ZNF471: variants seen among roughly 807,000 people sequenced by gnomAD.
ZNF471 encodes the protein EZFIT-related protein 1.
In ZNF471, 7 loss-of-function variants were observed where a neutral mutation model predicts 13.7. The observed-to-expected ratio is 0.51, with a 90% CI of 0.29 to 0.96. The LOEUF is 0.96. Ranked by LOEUF, ZNF471 falls within the 40% of genes least tolerant of loss-of-function variation. The pLI is 0.08. For synonymous variants in ZNF471, 218 were observed against 235.6 expected (o/e 0.93, Z 0.68); for missense variants, 663 against 743.3 (o/e 0.89, Z 1.26).
In ZNF471 at chr19:56,525,123, G is replaced by A. The variant is rs2044027120; in HGVS notation, c.1056G>A (p.Gly352=). Residue 352 remains glycine, a synonymous_variant, in exon 5 of 5, where the codon GGG becomes GGA. Transcript: ENST00000308031. The part of the protein sequence containing the change: ...GKRPYECIEC[G]KAFRYNTSFI... ...GACCCTATGAATGTATTGAGTGTGGGAAGGCTTTTAGGTATAACACATCTT... is the reference window on the plus strand; with the variant it reads ...GACCCTATGAATGTATTGAGTGTGGAAAGGCTTTTAGGTATAACACATCTT... 6.2e-7 allele frequency: 1 copy of A among 1,614,018 alleles called. No individual in the cohort carries two copies. The highest frequency in any genetic ancestry group is 8.5e-7 in the Non-Finnish European group (1 of 1,180,022).
rs2043885424 is a variant in ZNF471 at position 56,516,171 on chromosome 19, C to T, written c.34-104C>T. On this transcript the variant is annotated intron_variant, in intron 2 of 4. Coordinates refer to ENST00000308031, the MANE Select transcript of ZNF471 (RefSeq NM_020813.4). The surrounding 1 kb of genome is among the most constrained non-coding windows in gnomAD (Gnocchi z 4.4). ...GGATCTTCCTATTTATGTTTTTTCT[C>T]TTCTATGAGTTATTTCTCACCTAAA... 5.0e-6 allele frequency: 6 copies of T among 1,198,662 alleles called. No homozygotes were observed. The highest frequency in any genetic ancestry group is 7.1e-6 in the Non-Finnish European group (6 of 843,830). 74.3% of individuals were successfully genotyped at this position (1,198,662 alleles called of 1,614,324 possible). A position where few individuals can be genotyped will look rare whatever the true frequency, so the allele number is the denominator to read the frequency against.
At chr19:56,515,781 T>C (rs1173716429) in intron 2 of ZNF471, among the ~76,000 whole-genome samples, 1 of 152,224 alleles carries the variant, frequency 6.6e-6, no homozygotes, top group Non-Finnish European at 1.5e-5. Flanking sequence ...TTCAATTTCA[T>C]TTTGTTCTGC....
intron 1 of ZNF471, among the ~76,000 whole-genome samples, chr19:56,509,315 C>T (rs1183056122): frequency 6.6e-6 from 1 of 152,226 alleles, no homozygotes; most frequent in Non-Finnish European, 1.5e-5. Context: ...TTCCAGATAG[C>T]TGAACACTGG....
chr19:56,509,229 G>A (rs2043776662), intron 1 of ZNF471, among the ~76,000 whole-genome samples: 1 of 152,148 alleles, frequency 6.6e-6, no homozygotes. Context: ...CTGATCATCA[G>A]TGGTCAGTGA....
rs2044031598 is a variant in ZNF471, at chr19:56,525,369, T to C, written c.1302T>C (p.Asp434=). 2 of 1,613,926 alleles carry C rather than the reference T, an allele frequency of 1.2e-6. No homozygotes were observed. Among genetic ancestry groups the C allele is most frequent in the Admixed American group, 1.7e-5 (1 of 59,986 alleles). The part of the protein sequence containing the change: ...IHTGEKPYEC[D]ICGKDFSHHA... Reference sequence around the variant, plus strand: ...CAGGAGAGAAACCTTATGAATGTGATATATGTGGGAAAGATTTTAGCCATC... The same window carrying C: ...CAGGAGAGAAACCTTATGAATGTGACATATGTGGGAAAGATTTTAGCCATC... The change falls in exon 5 of 5, where the codon GAT becomes GAC. Residue 434 remains aspartate, a synonymous_variant. Transcript: ENST00000308031.
At chr19:56,518,727 G>C (rs1277958138) in intron 4 of ZNF471, 150 bp downstream of exon 4, 1 of 565,318 alleles carries the variant, frequency 1.8e-6, no homozygotes, top group Non-Finnish European at 3.1e-6. Flanking sequence ...CTTCACATGG[G>C]CCCCTCAAAT....
chr19:56,508,240 T>G lies in ZNF471; in HGVS notation c.-56+320T>G. ...AGAGGGTGTGGTTTCTGTGTGTGTG[T>G]GTGTGTGTGTGTGACAGACCGAGAG... On this transcript the variant is annotated intron_variant, in intron 1 of 4. Transcript: ENST00000308031. This position sits in a 1 kb window ranked among gnomAD's most constrained non-coding sequence, Gnocchi z 4.7. The G allele has an allele frequency of 1.1e-6, 1 of 915,716 alleles. No individual in the cohort carries two copies. The highest frequency in any genetic ancestry group is 1.3e-6 in the Non-Finnish European group (1 of 772,476). The allele number at this position is 915,716 out of a possible 1,614,324, so 56.7% of individuals were successfully genotyped here.
rs755134334 is a variant in ZNF471, at chr19:56,525,132, T to C, written c.1065T>C (p.Phe355=). 7.9e-5 allele frequency: 128 copies of C among 1,614,042 alleles called. No individual in the cohort carries two copies. Among genetic ancestry groups the C allele is most frequent in the Non-Finnish European group, 9.8e-5 (116 of 1,180,030 alleles). The change falls in exon 5 of 5, where the codon TTT becomes TTC. Residue 355 remains phenylalanine, a synonymous_variant. Coordinates refer to ENST00000308031, the MANE Select transcript of ZNF471 (RefSeq NM_020813.4). ...PYECIECGKA[F]RYNTSFIRHW... ...AATGTATTGAGTGTGGGAAGGCTTT[T>C]AGGTATAACACATCTTTTATTCGTC...
rs1465444153 is a variant in ZNF471 at position 56,508,079 on chromosome 19, C to T, written c.-56+159C>T. The T allele has an allele frequency of 3.0e-6, 3 of 985,174 alleles. No homozygotes were observed. The highest frequency in any genetic ancestry group is 3.6e-6 in the Non-Finnish European group (3 of 829,814). 61.0% of individuals were successfully genotyped at this position (985,174 alleles called of 1,614,324 possible). A position where few individuals can be genotyped will look rare whatever the true frequency, so the allele number is the denominator to read the frequency against. ...GCCAGCGGGGCGCGCGTACTCGAGT[C>T]TGCGGGGCGGAGGCCGCGGCTCGGG... is the stretch of plus-strand genomic sequence containing the variant. On this transcript the variant is annotated intron_variant, in intron 1 of 4. Coordinates refer to ENST00000308031, the MANE Select transcript of ZNF471 (RefSeq NM_020813.4). The surrounding 1 kb of genome is among the most constrained non-coding windows in gnomAD (Gnocchi z 4.7).
chr19:56,513,785 C>A (rs890747599), intron 2 of ZNF471, among the ~76,000 whole-genome samples: 2 of 151,840 alleles, frequency 1.3e-5, no homozygotes, highest in Non-Finnish European at 2.9e-5. Flanking sequence ...TAGTGCTAGA[C>A]TTTATATATT....
chr19:56,516,067 A>G lies in ZNF471; in HGVS notation c.34-208A>G, dbSNP rs1263237220. On this transcript the variant is annotated intron_variant, in intron 2 of 4. Transcript: ENST00000308031. The surrounding 1 kb of genome is among the most constrained non-coding windows in gnomAD (Gnocchi z 4.4). Reference sequence around the variant, plus strand: ...TTCACTGCCTTGTAGTTATGCACCCATATTTCCCTATGTTCGGAATCGATT... The same window carrying G: ...TTCACTGCCTTGTAGTTATGCACCCGTATTTCCCTATGTTCGGAATCGATT... Among the ~76,000 whole-genome samples, 1 of 152,162 alleles carries G rather than the reference A, an allele frequency of 6.6e-6. No individual in the cohort carries two copies. Among genetic ancestry groups the G allele is most frequent in the Non-Finnish European group, 1.5e-5 (1 of 68,020 alleles).
At chr19:56,520,632 A>C (rs752534197) in intron 4 of ZNF471, among the ~76,000 whole-genome samples, 3 of 152,114 alleles carry the variant, frequency 2.0e-5, no homozygotes, top group Non-Finnish European at 4.4e-5. Flanking sequence ...TTAGGTCATG[A>C]GGGCTCATGA....
At chr19:56,515,669 G>A (rs959111048) in intron 2 of ZNF471, among the ~76,000 whole-genome samples, 1 of 152,196 alleles carries the variant, frequency 6.6e-6, no homozygotes, top group Non-Finnish European at 1.5e-5. Flanking sequence ...AAGTAAATCT[G>A]AAGGTGAAAA....
rs1568476304 is a variant in ZNF471 at position 56,524,897 on chromosome 19, T to G, written c.830T>G (p.Leu277Arg). 1 of 1,612,816 alleles carries G rather than the reference T, an allele frequency of 6.2e-7. No homozygotes were observed. Among genetic ancestry groups the G allele is most frequent in the Non-Finnish European group, 8.5e-7 (1 of 1,179,526 alleles). Residue 277 changes from leucine to arginine, a missense_variant, in exon 5 of 5, where the codon CTT becomes CGT. Leu to Arg is a moderately radical substitution (Grantham distance 102). Transcript: ENST00000308031. This position sits in a 1 kb window ranked among gnomAD's most constrained non-coding sequence, Gnocchi z 4.8. ...AAAGCCTTCAAACAAAGTGAACACC[T>G]TATTCAGCATCAAAGAATTCATACT... ...CRKAFKQSEH[L>R]IQHQRIHTGE...
At position 56,526,560 on chromosome 19, in the gene ZNF471, G is replaced by A. The variant is rs1196092173; in HGVS notation, c.*612G>A. 1 of 152,412 alleles carries A rather than the reference G, an allele frequency of 6.6e-6. No individual in the cohort carries two copies. The highest frequency in any genetic ancestry group is 2.4e-5 in the African/African-American group (1 of 41,446). The allele number at this position is 152,412 out of a possible 1,614,324, so 9.4% of individuals were successfully genotyped here. On this transcript the variant is annotated 3_prime_UTR_variant, in exon 5 of 5. Coordinates refer to ENST00000308031, the MANE Select transcript of ZNF471 (RefSeq NM_020813.4). ...AAGGGGGCTGAAGCCGGGGAGCCAA[G>A]TGGTTCCCATGCCCACTGAGCCCAG... is the stretch of plus-strand genomic sequence containing the variant.
rs1568472763 is a variant in ZNF471, at chr19:56,516,053, G to A, written c.34-222G>A. On this transcript the variant is annotated intron_variant, in intron 2 of 4. Transcript: ENST00000308031. This position sits in a 1 kb window ranked among gnomAD's most constrained non-coding sequence, Gnocchi z 4.4. ...CCCTTGAAGCCGTCTTCACTGCCTT[G>A]TAGTTATGCACCCATATTTCCCTAT... is the stretch of plus-strand genomic sequence containing the variant. Among the ~76,000 whole-genome samples the A allele has an allele frequency of 6.6e-6, 1 of 152,164 alleles. No individual in the cohort carries two copies. The highest frequency in any genetic ancestry group is 2.1e-4 in the South Asian group (1 of 4,832).
At position 56,525,075 on chromosome 19, in the gene ZNF471, T is replaced by C; in HGVS notation, c.1008T>C (p.His336=). ...AFSDGSSFAR[H]QRCHTGKRPY... is the part of the protein sequence containing the mutation. ...GTGATGGCTCGTCTTTTGCTCGACA[T>C]CAGAGATGTCACACTGGCAAAAGAC... Residue 336 remains histidine, a synonymous_variant, in exon 5 of 5, where the codon CAT becomes CAC. Transcript: ENST00000308031. 1 of 1,613,952 alleles carries C rather than the reference T, an allele frequency of 6.2e-7. No individual in the cohort carries two copies. Among genetic ancestry groups the C allele is most frequent in the Non-Finnish European group, 8.5e-7 (1 of 1,179,944 alleles).
chr19:56,525,239 T>C lies in ZNF471; in HGVS notation c.1172T>C (p.Ile391Thr), dbSNP rs754587545. Residue 391 changes from isoleucine to threonine, a missense_variant, in exon 5 of 5, where the codon ATT becomes ACT. By Grantham distance (89) the Ile-to-Thr change is moderately conservative (BLOSUM62 -1). Coordinates refer to ENST00000308031, the MANE Select transcript of ZNF471 (RefSeq NM_020813.4). ...GKAFSVHIGL[I>T]LHRRIHTGEK... ...GCCTTCAGTGTTCACATAGGACTTA[T>C]TCTGCATAGGAGAATTCATACAGGA... 7 of 1,614,046 alleles carry C rather than the reference T, an allele frequency of 4.3e-6. No homozygotes were observed. Among genetic ancestry groups the C allele is most frequent in the South Asian group, 1.1e-5 (1 of 91,066 alleles).
chr19:56,510,545 G>A lies in ZNF471; in HGVS notation c.-55-972G>A. 1.0e-6 allele frequency: 1 copy of A among 985,744 alleles called. No individual in the cohort carries two copies. Among genetic ancestry groups the A allele is most frequent in the Non-Finnish European group, 1.2e-6 (1 of 830,006 alleles). The allele number at this position is 985,744 out of a possible 1,614,324, so 61.1% of individuals were successfully genotyped here. On this transcript the variant is annotated intron_variant, in intron 1 of 4. Transcript: ENST00000308031. This position sits in a 1 kb window ranked among gnomAD's most constrained non-coding sequence, Gnocchi z 4.3. ...TGAAGGTGTTGGTGAATCACCACGT[G>A]TGCTTATATTCATGTCCTCAGGCAA...
Sources: allele counts gnomAD v4.1 joint callset (sites outside exome capture counted in the v4.1 genomes callset), GRCh38; gene constraint gnomAD v4.1.1; non-coding constraint Gnocchi (gnomAD v3.1); transcripts MANE v1.5; gene names NCBI Gene and HGNC (gene_info 2026-07-23, HGNC 2026-07-21).